Variants in ATP8B3 observed in about 807,000 individuals in gnomAD.
ATP8B3 encodes phospholipid-transporting ATPase IK.
In ATP8B3, 141 loss-of-function variants were observed where a neutral mutation model predicts 140.9. The ratio of observed to expected loss-of-function variants is 1.00; its 90% CI spans 0.87 to 1.15. The LOEUF (loss-of-function observed/expected upper bound fraction) is 1.15. Among genes scored for constraint, ATP8B3 ranks in the 50% most tolerant of loss-of-function variants. ATP8B3 has a pLI of 0.00. For synonymous variants in ATP8B3, 765 were observed against 714.6 expected, an observed-to-expected ratio of 1.07 and a Z score of -1.13; for missense variants, 1,874 against 1,740.6, an observed-to-expected ratio of 1.08 and a Z score of -1.36.
chr19:1,802,481 C>A lies in ATP8B3; in HGVS notation c.1063+6G>T, dbSNP rs777852369. 6.3e-7 allele frequency: 1 copy of A among 1,575,184 alleles called. No homozygotes were observed. Among genetic ancestry groups the A allele is most frequent in the Non-Finnish European group, 8.6e-7 (1 of 1,167,724 alleles). ...CTCCCACTCCAGGACCCTGGAGCAG[C>A]CGTACCAGCATAAATGACCAGTCCA... On this transcript the variant is annotated splice_donor_region_variant and intron_variant, in intron 11 of 28. Coordinates refer to ENST00000310127, the MANE Select transcript of ATP8B3 (RefSeq NM_138813.4).
chr19:1,788,432 C>G (rs2068374613), intron 24 of ATP8B3, among the ~76,000 whole-genome samples: 1 of 151,988 alleles, frequency 6.6e-6, no homozygotes, highest in Non-Finnish European at 1.5e-5. Flanking sequence ...AGCAGGTCAC[C>G]TGAGGTCAGG....
rs1322596387 is a variant in ATP8B3, at chr19:1,789,070, G to A, written c.2896C>T (p.Gln966Ter). The change falls in exon 24 of 29, where the codon CAG becomes TAG. Residue 966 changes from glutamine to a stop codon, truncating the protein, a stop_gained. Coordinates refer to ENST00000310127, the MANE Select transcript of ATP8B3 (RefSeq NM_138813.4). LOFTEE classifies it high-confidence loss of function. ...TGGCCGAGCACGAAGTCGCTGTTCT[G>A]AACTGCCTGCATGCCCTCCTGGCCC... is the stretch of plus-strand genomic sequence containing the variant. ...LAGQEGMQAV[Q>*]NSDFVLGQFC... is the part of the protein sequence containing the mutation. The A allele has an allele frequency of 6.3e-7, 1 of 1,595,082 alleles. No homozygotes were observed. Among genetic ancestry groups the A allele is most frequent in the Admixed American group, 1.7e-5 (1 of 58,264 alleles).
intron 23 of ATP8B3, 95 bp downstream of exon 23, chr19:1,789,266 C>CCA: frequency 7.4e-7 from 1 of 1,344,084 alleles, no homozygotes; most frequent in Non-Finnish European, 9.8e-7. Flanking sequence ...TCAGCGCCCC[C>CCA]CTCACCTGCC....
intron 26 of ATP8B3, 45 bp from the exon 27 acceptor site, chr19:1,785,342 G>C: frequency 6.4e-7 from 1 of 1,557,226 alleles, no homozygotes; most frequent in Non-Finnish European, 8.7e-7. Context: ...AGCGGGGCTT[G>C]CACCAGGACA....
rs752455791 is a variant in ATP8B3, at chr19:1,806,451, G to A, written c.677+177C>T. On this transcript the variant is annotated intron_variant, in intron 7 of 28. Coordinates refer to ENST00000310127, the MANE Select transcript of ATP8B3 (RefSeq NM_138813.4). The surrounding 1 kb of genome is among the most constrained non-coding windows in gnomAD (Gnocchi z 5.6). ...TGCAAGGGTTCGCCATCAGGGCCTC[G>A]GCCTCTGTCCTCGTCCCGGCCAAAC... 5.1e-5 allele frequency: 74 copies of A among 1,452,600 alleles called. No homozygotes were observed. Among genetic ancestry groups the A allele is most frequent in the South Asian group, 1.2e-4 (8 of 69,188 alleles). The allele number at this position is 1,452,600 out of a possible 1,614,324, so 90.0% of individuals were successfully genotyped here.
At chr19:1,784,983 C>T (rs771007699) in intron 27 of ATP8B3, 37 bp from the exon 28 acceptor site, 3 of 1,583,280 alleles carry the variant, frequency 1.9e-6, no homozygotes, top group African/African-American at 2.7e-5. Context: ...AGCCTACCCC[C>T]AGCTCCAAGG....
chr19:1,791,389 ATTT>A (rs34511191), intron 20 of ATP8B3, among the ~76,000 whole-genome samples: 7 of 135,300 alleles, frequency 5.2e-5, no homozygotes, highest in Non-Finnish European at 3.2e-5. Flanking sequence ...GAGTTGCAGC[ATTT>A]TTTTTTTTTT....
intron 3 of ATP8B3, among the ~76,000 whole-genome samples, chr19:1,810,281 G>A (rs1200384023): frequency 6.6e-6 from 1 of 152,026 alleles, no homozygotes; most frequent in Non-Finnish European, 1.5e-5. Flanking sequence ...TTTTTGAGAT[G>A]GAGTCTCGCT....
chr19:1,804,690 C>T (rs937060728), intron 10 of ATP8B3, among the ~76,000 whole-genome samples: 13 of 152,160 alleles, frequency 8.5e-5, no homozygotes, highest in African/African-American at 1.9e-4. Context: ...CCTGTAATCC[C>T]AGCTACTCAG....
intron 21 of ATP8B3, 84 bp from the exon 22 acceptor site, chr19:1,790,073 C>G: frequency 2.0e-6 from 2 of 998,366 alleles, no homozygotes; most frequent in South Asian, 2.7e-5. Flanking sequence ...CCTCCCACCC[C>G]TTCCACTGCC....
chr19:1,782,773 A>G lies in ATP8B3; in HGVS notation c.*255T>C. 1 of 511,152 alleles carries G rather than the reference A, an allele frequency of 2.0e-6. No individual in the cohort carries two copies. The highest frequency in any genetic ancestry group is 2.3e-5 in the South Asian group (1 of 43,086). The allele number at this position is 511,152 out of a possible 1,614,324, so 31.7% of individuals were successfully genotyped here. A position where few individuals can be genotyped will look rare whatever the true frequency, so the allele number is the denominator to read the frequency against. On this transcript the variant is annotated 3_prime_UTR_variant, in exon 29 of 29. Coordinates refer to ENST00000310127, the MANE Select transcript of ATP8B3 (RefSeq NM_138813.4). ...CCTTGGTCAACAGCAACTTCTCAGG[A>G]GAAGGTGGCCTCTGCTTGGGTGACA...
chr19:1,783,525 G>A (rs1300583251), intron 28 of ATP8B3, among the ~76,000 whole-genome samples: 1 of 152,228 alleles, frequency 6.6e-6, no homozygotes, highest in African/African-American at 2.4e-5. Flanking sequence ...GCCAATCAGA[G>A]TTATTCCCTG....
In ATP8B3 at chr19:1,810,618, G is replaced by A; in HGVS notation, c.310+4C>T. On this transcript the variant is annotated splice_donor_region_variant and intron_variant, in intron 3 of 28. Coordinates refer to ENST00000310127, the MANE Select transcript of ATP8B3 (RefSeq NM_138813.4). Reference sequence around the variant, plus strand: ...GCACCGCCCCCTCTGCCCAGGATCAGCACCTGAGTTCCTGTCCTCATCTTG... The same window carrying A: ...GCACCGCCCCCTCTGCCCAGGATCAACACCTGAGTTCCTGTCCTCATCTTG... 6.2e-7 allele frequency: 1 copy of A among 1,612,374 alleles called. No individual in the cohort carries two copies. The highest frequency in any genetic ancestry group is 1.1e-5 in the South Asian group (1 of 90,832).
intron 18 of ATP8B3, among the ~76,000 whole-genome samples, chr19:1,792,594 A>AAT (rs1555806302): frequency 1.8e-3 from 274 of 149,328 alleles, no homozygotes; most frequent in Non-Finnish European, 2.5e-3. Context: ...AAAAAAAAAA[A>AAT]AATAGAAAAA....
intron 2 of ATP8B3, among the ~76,000 whole-genome samples, chr19:1,811,156 C>T (rs1213191454): frequency 6.6e-6 from 1 of 152,172 alleles, no homozygotes; most frequent in African/African-American, 2.4e-5. Context: ...GAATGGGACC[C>T]CCGGGCTATA....
chr19:1,803,896 C>CA (rs56937286), intron 10 of ATP8B3, among the ~76,000 whole-genome samples: 3,711 of 70,334 alleles, frequency 0.053, 150 homozygotes, highest in African/African-American at 0.12. Context: ...GACTCTGTCT[C>CA]AAAAAAAAAA....
Position 1,783,053 on chromosome 19 carries a change from G to A in ATP8B3, c.3878C>T (p.Ala1293Val), listed in dbSNP as rs749996143. 3 of 1,610,732 alleles carry A rather than the reference G, an allele frequency of 1.9e-6. No individual in the cohort carries two copies. In the African/African-American group the frequency reaches 4.0e-5, roughly 22 times the overall value. ...TCACTGTGACTCTTTTGGGCTCGAA[G>A]CTGCCTCTTCATCAGATGGGTCTAG... ...ESLDPSDEEA[A>V]SSPKESQ Residue 1293 changes from alanine to valine, a missense_variant, in exon 29 of 29, where the codon GCT becomes GTT. Coordinates refer to ENST00000310127, the MANE Select transcript of ATP8B3 (RefSeq NM_138813.4).
intron 10 of ATP8B3, among the ~76,000 whole-genome samples, chr19:1,803,895 T>TCAAA (rs1221751163): frequency 2.9e-4 from 21 of 72,312 alleles, no homozygotes; most frequent in African/African-American, 1.3e-3. Context: ...AGACTCTGTC[T>TCAAA]CAAAAAAAAA....
chr19:1,783,985 C>G (rs1443018511), intron 28 of ATP8B3, among the ~76,000 whole-genome samples: 8 of 152,120 alleles, frequency 5.3e-5, no homozygotes, highest in Non-Finnish European at 1.2e-4. Context: ...CAGGTGTGAA[C>G]CGCTGCGCCT....
Sources: gnomAD v4.1 joint callset for allele counts (sites outside exome capture counted in the v4.1 genomes callset) on GRCh38, gnomAD v4.1.1 for gene constraint, Gnocchi (gnomAD v3.1) non-coding constraint, MANE v1.5 for transcripts, NCBI Gene and HGNC (gene_info 2026-07-23, HGNC 2026-07-21) for gene names.